The following RYR3 variants were observed in gnomAD, a reference collection of about 807,000 sequenced individuals.
RYR3 encodes the protein ryanodine receptor 3, also known as brain ryanodine receptor-calcium release channel.
Under a neutral mutation model 584.3 loss-of-function variants are expected in RYR3, and 207 were observed. The ratio of observed to expected loss-of-function variants is 0.35; its 90% confidence interval spans 0.32 to 0.40. RYR3 has a LOEUF of 0.40. Among genes scored for constraint, RYR3 ranks in the 10% least tolerant of loss-of-function variants. The pLI is 1.00. For missense variants in RYR3, 5,616 were observed against 6,089.2 expected, an observed-to-expected ratio of 0.92 and a Z score of 2.59; for synonymous variants, 2,416 against 2,248.5, an observed-to-expected ratio of 1.07 and a Z score of -2.11.
chr15:33,624,071 A>G, intron 20 of RYR3, 48 bp downstream of exon 20: 1 of 1,227,016 alleles, frequency 8.1e-7, no homozygotes, highest in Non-Finnish European at 1.2e-6. Flanking sequence ...ATGAAGCAAT[A>G]GAGTTAAATA....
At chr15:33,656,397 A>G (rs1221785872) in intron 32 of RYR3, among the ~76,000 whole-genome samples, 2 of 152,110 alleles carry the variant, frequency 1.3e-5, no homozygotes, top group Non-Finnish European at 2.9e-5. Context: ...CCGCCTCCCC[A>G]TGCATGAAAC....
chr15:33,450,956 A>G (rs1326484086), intron 1 of RYR3, among the ~76,000 whole-genome samples: 1 of 152,120 alleles, frequency 6.6e-6, no homozygotes, highest in African/African-American at 2.4e-5. Context: ...AGGGAAGCAG[A>G]ATGGAGCATC....
At chr15:33,460,296 C>T (rs2047909214) in intron 1 of RYR3, among the ~76,000 whole-genome samples, 1 of 152,224 alleles carries the variant, frequency 6.6e-6, no homozygotes, top group Non-Finnish European at 1.5e-5. Flanking sequence ...GGCTGCAATG[C>T]CCGCTGCTAC....
intron 12 of RYR3, among the ~76,000 whole-genome samples, chr15:33,578,771 A>AAAC (rs2058436513): frequency 7.0e-6 from 1 of 142,762 alleles, no homozygotes; most frequent in African/African-American, 2.5e-5. Context: ...AGAATAAAAA[A>AAAC]AAAAAAACAA....
intron 102 of RYR3, among the ~76,000 whole-genome samples, chr15:33,863,358 C>T (rs1194908530): frequency 6.6e-6 from 1 of 152,156 alleles, no homozygotes; most frequent in East Asian, 1.9e-4. Flanking sequence ...TACTGTGGGC[C>T]AGGACCTGAC....
intron 1 of RYR3, among the ~76,000 whole-genome samples, chr15:33,435,109 C>T (rs1003577925): frequency 2.0e-5 from 3 of 152,078 alleles, no homozygotes; most frequent in African/African-American, 7.2e-5. Context: ...CGTGAGCCAC[C>T]GTGCCCTGCC....
chr15:33,851,178 G>A (rs1331171009), intron 94 of RYR3: 2 of 152,078 alleles, frequency 1.3e-5, no homozygotes, highest in Non-Finnish European at 2.9e-5. Flanking sequence ...TAAAGTTTCT[G>A]GCTTTTATAA....
chr15:33,761,415 G>C (rs1029249706), intron 60 of RYR3, among the ~76,000 whole-genome samples: 2 of 152,064 alleles, frequency 1.3e-5, no homozygotes, highest in African/African-American at 4.8e-5. Context: ...TGATAAAGGG[G>C]ATATCACCAC....
intron 1 of RYR3, among the ~76,000 whole-genome samples, chr15:33,455,849 T>C (rs986980464): frequency 4.6e-5 from 7 of 152,172 alleles, no homozygotes. Context: ...CTAAACATAA[T>C]GGAGGCAGGC....
chr15:33,483,608 C>T (rs1191033897), intron 2 of RYR3, among the ~76,000 whole-genome samples: 1 of 152,152 alleles, frequency 6.6e-6, no homozygotes, highest in Non-Finnish European at 1.5e-5. Flanking sequence ...TTCTAAACAC[C>T]TCTAAATAGC....
Position 33,722,780 on chromosome 15 carries a change from G to T in RYR3, c.6685G>T (p.Gly2229Cys), listed in dbSNP as rs763545124. ...KLLIRRPECF[G>C]PALRGEGGNG... ...GCTCATCAGACGCCCAGAGTGCTTC[G>T]GCCCGGCCCTGCGGGGTGAGGGGGG... Residue 2229 changes from glycine (G) to cysteine (C), a missense_variant, in exon 44 of 104, where the codon GGC becomes TGC. This residue lies in a region of RYR3 where 1,280 missense variants were observed against 1,426.2 expected (regional missense o/e 0.90). Coordinates refer to ENST00000634891, the MANE Select transcript of RYR3 (RefSeq NM_001036.6). 6.2e-7 allele frequency: 1 copy of T among 1,613,350 alleles called. No individual in the cohort carries two copies. Among genetic ancestry groups the T allele is most frequent in the Non-Finnish European group, 8.5e-7 (1 of 1,179,666 alleles).
At chr15:33,491,553 A>G (rs2050965100) in intron 2 of RYR3, among the ~76,000 whole-genome samples, 1 of 152,200 alleles carries the variant, frequency 6.6e-6, no homozygotes. Context: ...TAGTGTTGCC[A>G]AGTGAACTCA....
chr15:33,539,747 A>T (rs947253981), intron 6 of RYR3, among the ~76,000 whole-genome samples: 1 of 151,932 alleles, frequency 6.6e-6, no homozygotes, highest in Non-Finnish European at 1.5e-5. Flanking sequence ...AGCATATTTT[A>T]TATGATATAT....
intron 16 of RYR3, among the ~76,000 whole-genome samples, chr15:33,593,365 G>T (rs992155017): frequency 6.6e-6 from 1 of 152,068 alleles, no homozygotes; most frequent in Non-Finnish European, 1.5e-5. Context: ...TTCCTAGATG[G>T]GTAGGTCCCA....
intron 64 of RYR3, among the ~76,000 whole-genome samples, chr15:33,779,279 T>G (rs1156461100): frequency 2.0e-5 from 3 of 152,018 alleles, no homozygotes; most frequent in Non-Finnish European, 4.4e-5. Flanking sequence ...AAGGCTGGAG[T>G]GCAATGGTGT....
At chr15:33,516,008 T>A (rs564646734) in intron 3 of RYR3, among the ~76,000 whole-genome samples, 1 of 152,332 alleles carries the variant, frequency 6.6e-6, no homozygotes, top group African/African-American at 2.4e-5. Context: ...GGACTTCACT[T>A]CTTTTTCCCA....
chr15:33,754,449 C>G (rs554028931), intron 57 of RYR3, among the ~76,000 whole-genome samples: 4 of 152,350 alleles, frequency 2.6e-5, no homozygotes, highest in African/African-American at 7.2e-5. Context: ...GCTCCTGCCT[C>G]AGGACCTTTG....
At chr15:33,464,489 T>TATATATATATATATACACACAC (rs1450450145) in intron 1 of RYR3, among the ~76,000 whole-genome samples, 15 of 67,444 alleles carry the variant, frequency 2.2e-4, no homozygotes, top group African/African-American at 1.2e-3. Flanking sequence ...TATATATATA[T>TATATATATATATATACACACAC]ACACATATAT....
intron 1 of RYR3, among the ~76,000 whole-genome samples, chr15:33,373,905 A>T (rs2040525668): frequency 6.6e-6 from 1 of 152,186 alleles, no homozygotes; most frequent in South Asian, 2.1e-4. Context: ...TTGTGGTAGG[A>T]ATAGAGAAAA....
Sources: gnomAD v4.1 joint callset for allele counts (sites outside exome capture counted in the v4.1 genomes callset) on GRCh38, gnomAD v4.1.1 for gene constraint, gnomAD v4.1.1 regional missense constraint, MANE v1.5 for transcripts, NCBI Gene and HGNC (gene_info 2026-07-23, HGNC 2026-07-21) for gene names.